Variants in NPL observed in about 807,000 individuals in gnomAD.
NPL encodes N-acetylneuraminate pyruvate lyase.
NPL carries 32 observed loss-of-function variants against 41.1 expected under a neutral mutation model. The observed-to-expected ratio is 0.78, with a 90% CI of 0.59 to 1.05. NPL has a LOEUF of 1.05. Among genes scored for constraint, NPL ranks in the 50% least tolerant of loss-of-function variants. NPL has a pLI of 0.00. For synonymous variants in NPL, 128 were observed against 134.9 expected (o/e 0.95, Z 0.35); for missense variants, 321 against 378.4 (o/e 0.85, Z 1.26).
At chr1:182,815,547 C>A (rs1168796576) in intron 7 of NPL, among the ~76,000 whole-genome samples, 1 of 152,096 alleles carries the variant, frequency 6.6e-6, no homozygotes, top group Non-Finnish European at 1.5e-5. Context: ...TTTAGGTAAG[C>A]AATTTAATAT....
chr1:182,825,437 T>C (rs947471048), intron 11 of NPL, among the ~76,000 whole-genome samples: 4 of 152,222 alleles, frequency 2.6e-5, no homozygotes, highest in African/African-American at 9.6e-5. Context: ...CCAGAGCTTA[T>C]ATGCACCTGA....
rs112376929 is a variant in NPL, at chr1:182,800,255, G to A, written c.69-3443G>A. On this transcript the variant is annotated intron_variant, in intron 3 of 12. Coordinates refer to ENST00000367553, the MANE Select transcript of NPL (RefSeq NM_030769.3). ...GTTCGAGACCAGCCTGGGCAACCTG[G>A]TAAAACCCTGTCTCTACAAAAAATA... Among the ~76,000 whole-genome samples, 581 of 151,920 alleles carry A rather than the reference G, an allele frequency of 3.8e-3. 2 individuals are homozygous for A. Among genetic ancestry groups the A allele is most frequent in the African/African-American group, 0.013 (547 of 41,438 alleles).
At position 182,806,138 on chromosome 1, in the gene NPL, T is replaced by G; in HGVS notation, c.143-7T>G. ...TGGTCCTGCTGACTTACTCTTTGTT[T>G]GAACAGTGAATGGCACAACAGGAGA... On this transcript the variant is annotated splice_polypyrimidine_tract_variant and splice_region_variant and intron_variant, in intron 4 of 12. Transcript: ENST00000367553. 1 of 1,614,168 alleles carries G rather than the reference T, an allele frequency of 6.2e-7. No individual in the cohort carries two copies. Among genetic ancestry groups the G allele is most frequent in the Non-Finnish European group, 8.5e-7 (1 of 1,180,028 alleles).
intron 3 of NPL, among the ~76,000 whole-genome samples, chr1:182,798,755 A>G (rs1192045255): frequency 2.6e-5 from 4 of 152,192 alleles, no homozygotes; most frequent in African/African-American, 9.7e-5. Context: ...AGACTGGCAT[A>G]GATTATTGTC....
rs530270853 is a variant in NPL, at chr1:182,823,553, C to G, written c.738+1354C>G. The stretch of plus-strand genomic sequence containing the variant: ...CTGTGCCAAATAAACTAAACATCGA[C>G]AAGACTTTGGTTTAGATAAGGGTGA... On this transcript the variant is annotated intron_variant, in intron 11 of 12. Transcript: ENST00000367553. Among the ~76,000 whole-genome samples the G allele has an allele frequency of 4.6e-5, 7 of 152,326 alleles. No homozygotes were observed. The South Asian group carries it at 1.4e-3, about 32-fold the overall frequency.
intron 1 of NPL, chr1:182,791,120 T>G (rs1029384092): frequency 1.3e-5 from 2 of 152,110 alleles, no homozygotes; most frequent in African/African-American, 4.8e-5. Context: ...GATGTAAGGT[T>G]TTTAATGAAA....
intron 5 of NPL, among the ~76,000 whole-genome samples, chr1:182,808,275 T>A (rs1667079552): frequency 6.6e-6 from 1 of 152,226 alleles, no homozygotes; most frequent in African/African-American, 2.4e-5. Flanking sequence ...CAGTAAATGC[T>A]ATGTTCATTA....
rs1667200811 is a variant in NPL at position 182,812,320 on chromosome 1, G to A, written c.288+107G>A. 3.1e-6 allele frequency: 3 copies of A among 982,636 alleles called. No individual in the cohort carries two copies. The South Asian group carries it at 4.1e-5, about 13-fold the overall frequency. 60.9% of individuals were successfully genotyped at this position (982,636 alleles called of 1,614,324 possible). On this transcript the variant is annotated intron_variant, in intron 6 of 12. Coordinates refer to ENST00000367553, the MANE Select transcript of NPL (RefSeq NM_030769.3). ...CTATGTAGTAGATGGTGTGCCTGAAGAAATAAGGTGTGGGATCTCAGGGGC... is the reference window on the plus strand; with the variant it reads ...CTATGTAGTAGATGGTGTGCCTGAAAAAATAAGGTGTGGGATCTCAGGGGC...
chr1:182,790,700 G>C (rs1666485381), intron 1 of NPL, among the ~76,000 whole-genome samples: 1 of 152,174 alleles, frequency 6.6e-6, no homozygotes, highest in Non-Finnish European at 1.5e-5. Context: ...CCGGACTGCA[G>C]TGGCGCTATC....
Position 182,816,932 on chromosome 1 carries a change from G to A in NPL, c.457+126G>A. 4.2e-6 allele frequency: 3 copies of A among 722,130 alleles called. No homozygotes were observed. In the South Asian group the frequency reaches 4.4e-5, roughly 11 times the overall value. 44.7% of individuals were successfully genotyped at this position (722,130 alleles called of 1,614,324 possible). ...AAAGCACACCACCACTGACTGGGCA[G>A]TTCCAGTTGTTTCTAAATGTCACTC... On this transcript the variant is annotated intron_variant, in intron 8 of 12. Coordinates refer to ENST00000367553, the MANE Select transcript of NPL (RefSeq NM_030769.3).
At chr1:182,817,584 C>T (rs1206015841) in intron 8 of NPL, among the ~76,000 whole-genome samples, 1 of 152,188 alleles carries the variant, frequency 6.6e-6, no homozygotes, top group Non-Finnish European at 1.5e-5. Flanking sequence ...CACAGGACTG[C>T]CCCCACTTCA....
chr1:182,827,636 C>A (rs935696539), intron 12 of NPL, among the ~76,000 whole-genome samples: 3 of 151,702 alleles, frequency 2.0e-5, no homozygotes, highest in Non-Finnish European at 4.4e-5. Context: ...TTCAGTATTT[C>A]TTGTTGTTTT....
chr1:182,814,833 G>A lies in NPL; in HGVS notation c.339G>A (p.Pro113=), dbSNP rs150521146. Residue 113 remains proline, a synonymous_variant, in exon 7 of 13, where the codon CCG becomes CCA. Transcript: ENST00000367553. ...IGADGIAVIA[P]FFLKPWTKDI... ...CTGATGGCATCGCTGTCATTGCACCGTTCTTCCTCAAGCCATGGACCAAAG... is the reference window on the plus strand; with the variant it reads ...CTGATGGCATCGCTGTCATTGCACCATTCTTCCTCAAGCCATGGACCAAAG... 85 of 1,613,874 alleles carry A rather than the reference G, an allele frequency of 5.3e-5. 2 individuals carry two copies. Among genetic ancestry groups the A allele is most frequent in the South Asian group, 4.9e-4 (45 of 91,086 alleles).
intron 6 of NPL, among the ~76,000 whole-genome samples, chr1:182,812,624 A>AAC (rs1490299798): frequency 6.6e-6 from 1 of 152,202 alleles, no homozygotes; most frequent in African/African-American, 2.4e-5. Context: ...AGGGAGCTAA[A>AAC]ACACAAAAGG....
intron 4 of NPL, among the ~76,000 whole-genome samples, chr1:182,804,371 G>T (rs1254537634): frequency 6.6e-6 from 1 of 152,108 alleles, no homozygotes; most frequent in Non-Finnish European, 1.5e-5. Context: ...CAGGTGATCT[G>T]CCTGCCCCAG....
intron 1 of NPL, among the ~76,000 whole-genome samples, chr1:182,790,597 TTC>T (rs1666474861): frequency 6.6e-6 from 1 of 151,730 alleles, no homozygotes; most frequent in Admixed American, 6.6e-5. Context: ...ATACTGATCA[TTC>T]TCTGTTAAAG....
At chr1:182,818,966 C>G (rs1348212712) in intron 10 of NPL, 107 bp downstream of exon 10, 1 of 972,990 alleles carries the variant, frequency 1.0e-6, no homozygotes, top group Non-Finnish European at 1.7e-6. Flanking sequence ...TAGAAGTTTC[C>G]TTTCTTTTCC....
chr1:182,806,262 C>G (rs758911739), intron 5 of NPL, 30 bp downstream of exon 5: 1 of 1,613,878 alleles, frequency 6.2e-7, no homozygotes, highest in Admixed American at 1.7e-5. Flanking sequence ...TAAAAATGCC[C>G]TTTGGCAACA....
chr1:182,804,279 C>T (rs1666940721), intron 4 of NPL, among the ~76,000 whole-genome samples: 1 of 152,142 alleles, frequency 6.6e-6, no homozygotes, highest in Non-Finnish European at 1.5e-5. Flanking sequence ...AGGCGCACAC[C>T]ACCACACCTG....
Sources: gnomAD v4.1 joint callset for allele counts (sites outside exome capture counted in the v4.1 genomes callset) on GRCh38, gnomAD v4.1.1 for gene constraint, MANE v1.5 for transcripts, NCBI Gene and HGNC (gene_info 2026-07-23, HGNC 2026-07-21) for gene names.